AEBP2: variants seen among roughly 807,000 people sequenced by gnomAD.
AEBP2 encodes the protein AE binding protein 2.
In AEBP2, 10 loss-of-function variants were observed where a neutral mutation model predicts 50.8. That is an observed-to-expected ratio of 0.20 (90% CI 0.12 to 0.33). The LOEUF (loss-of-function observed/expected upper bound fraction) is 0.33, where lower values mean the gene tolerates loss of function less well. Ranked by LOEUF, AEBP2 falls within the 10% of genes least tolerant of loss-of-function variation. The pLI is 1.00. For synonymous variants in AEBP2, 296 were observed against 261.3 expected, an observed-to-expected ratio of 1.13 and a Z score of -1.28; for missense variants, 570 against 688.0, an observed-to-expected ratio of 0.83 and a Z score of 1.92.
chr12:19,461,921 G>C (rs1339903305), intron 1 of AEBP2, among the ~76,000 whole-genome samples: 1 of 152,054 alleles, frequency 6.6e-6, no homozygotes, highest in Non-Finnish European at 1.5e-5. Flanking sequence ...GCTAGGAAAA[G>C]ATTTTTTATT....
chr12:19,455,604 A>T (rs1948255400), intron 1 of AEBP2, among the ~76,000 whole-genome samples: 1 of 152,164 alleles, frequency 6.6e-6, no homozygotes, highest in Non-Finnish European at 1.5e-5. Context: ...GAAGTAATTT[A>T]AGACTCAAAG....
rs1266212976 is a variant in AEBP2 at position 19,521,485 on chromosome 12, A to C, written c.*3368A>C. On this transcript the variant is annotated 3_prime_UTR_variant, in exon 8 of 8. Coordinates refer to ENST00000266508, the MANE Select transcript of AEBP2 (RefSeq NM_153207.5). ...CCGTAAGGCACATCTGCTTTATCTA[A>C]AAGAATCTTAAGGTGGAAATAGTGT... 1.3e-5 allele frequency: 2 copies of C among 152,144 alleles called. No individual in the cohort carries two copies. Among genetic ancestry groups the C allele is most frequent in the Non-Finnish European group, 2.9e-5 (2 of 68,006 alleles). The allele number at this position is 152,144 out of a possible 1,614,324, so 9.4% of individuals were successfully genotyped here.
intron 6 of AEBP2, among the ~76,000 whole-genome samples, chr12:19,513,002 G>GT (rs1462505180): frequency 1.3e-5 from 2 of 151,992 alleles, no homozygotes; most frequent in East Asian, 3.9e-4. Flanking sequence ...CTTGTGTGGT[G>GT]TTTTTTGTTT....
At chr12:19,476,422 A>G (rs1408343933) in intron 3 of AEBP2, among the ~76,000 whole-genome samples, 1 of 151,890 alleles carries the variant, frequency 6.6e-6, no homozygotes, top group Non-Finnish European at 1.5e-5. Context: ...ACTTACTGCA[A>G]CCTCTGCCTC....
intron 7 of AEBP2, among the ~76,000 whole-genome samples, chr12:19,517,130 A>G (rs995058975): frequency 3.3e-5 from 5 of 152,250 alleles, no homozygotes; most frequent in African/African-American, 4.8e-5. Context: ...GCATAGAGTC[A>G]TAGAAGCCCC....
intron 5 of AEBP2, among the ~76,000 whole-genome samples, chr12:19,510,858 G>A (rs1044901105): frequency 8.1e-5 from 4 of 49,392 alleles, no homozygotes; most frequent in Non-Finnish European, 1.5e-4. Context: ...GCTTTTTAAG[G>A]TAGTGACTTT....
rs1297740240 is a variant in AEBP2 at position 19,519,738 on chromosome 12, C to A, written c.*1621C>A. ...GGGAAAGGTTCCACGATACATAAAT[C>A]ATTTCTCATTTGCTTTAAAAAATTT... On this transcript the variant is annotated 3_prime_UTR_variant, in exon 8 of 8. Coordinates refer to ENST00000266508, the MANE Select transcript of AEBP2 (RefSeq NM_153207.5). 1 of 152,452 alleles carries A rather than the reference C, an allele frequency of 6.6e-6. No homozygotes were observed. The highest frequency in any genetic ancestry group is 1.5e-5 in the Non-Finnish European group (1 of 67,922). 9.4% of individuals were successfully genotyped at this position (152,452 alleles called of 1,614,324 possible). A position where few individuals can be genotyped will look rare whatever the true frequency, so the allele number is the denominator to read the frequency against.
At chr12:19,503,178 G>A (rs1949107748) in intron 5 of AEBP2, among the ~76,000 whole-genome samples, 1 of 152,078 alleles carries the variant, frequency 6.6e-6, no homozygotes, top group African/African-American at 2.4e-5. Flanking sequence ...ATTCCTTTGG[G>A]CGTTGTCACC....
intron 1 of AEBP2, among the ~76,000 whole-genome samples, chr12:19,428,529 AGGCTG>A (rs2095749763): frequency 6.6e-6 from 1 of 152,220 alleles, no homozygotes; most frequent in Non-Finnish European, 1.5e-5. Context: ...CAGAAACAAA[AGGCTG>A]GGTGCGGTGG....
chr12:19,442,172 G>C (rs1039836979), intron 1 of AEBP2, among the ~76,000 whole-genome samples: 3 of 152,162 alleles, frequency 2.0e-5, no homozygotes, highest in Admixed American at 6.5e-5. Flanking sequence ...ACTTTGGGAG[G>C]CCGAGGTGGG....
intron 1 of AEBP2, among the ~76,000 whole-genome samples, chr12:19,421,123 T>A (rs2095745438): frequency 6.6e-6 from 1 of 151,928 alleles, no homozygotes; most frequent in Non-Finnish European, 1.5e-5. Context: ...GGTGGAAGGA[T>A]CATCTGAGGT....
intron 1 of AEBP2, among the ~76,000 whole-genome samples, chr12:19,450,853 A>G (rs889222428): frequency 5.1e-4 from 75 of 148,258 alleles, no homozygotes; most frequent in Non-Finnish European, 9.5e-4. Flanking sequence ...AAAAAAAAAA[A>G]GGGTCATTTT....
At chr12:19,514,058 G>A (rs1459972062) in intron 6 of AEBP2, among the ~76,000 whole-genome samples, 3 of 151,038 alleles carry the variant, frequency 2.0e-5, no homozygotes, top group African/African-American at 7.3e-5. Flanking sequence ...GCAGTGCAGT[G>A]GTGCACTCTT....
chr12:19,466,339 T>A (rs1948473712), intron 2 of AEBP2, among the ~76,000 whole-genome samples: 1 of 152,064 alleles, frequency 6.6e-6, no homozygotes, highest in South Asian at 2.1e-4. Context: ...GCCTGTGGTC[T>A]TAGCCACTCC....
At chr12:19,502,257 C>T (rs553958539) in intron 5 of AEBP2, among the ~76,000 whole-genome samples, 1 of 152,108 alleles carries the variant, frequency 6.6e-6, no homozygotes, top group East Asian at 1.9e-4. Context: ...CCCTCAGCCT[C>T]CCGAGTAGCC....
intron 3 of AEBP2, among the ~76,000 whole-genome samples, chr12:19,484,725 CT>C (rs1428147164): frequency 6.6e-6 from 1 of 151,832 alleles, no homozygotes; most frequent in Non-Finnish European, 1.5e-5. Flanking sequence ...GGTTGAACAT[CT>C]TTTCATATGT....
chr12:19,439,148 T>C (rs1162772940), upstream of AEBP2, among the ~76,000 whole-genome samples: 2 of 152,190 alleles, frequency 1.3e-5, no homozygotes, highest in Non-Finnish European at 2.9e-5. Flanking sequence ...TTTTGCCCAT[T>C]TTAAACCGCT....
Position 19,510,865 on chromosome 12 carries a change from C to CTTTTTTTTTTTTTTT in AEBP2, c.1300-1530_1300-1516dup, listed in dbSNP as rs58870259. Among the ~76,000 whole-genome samples the CTTTTTTTTTTTTTTT allele has an allele frequency of 1.9e-4, 17 of 89,026 alleles. 2 individuals carry two copies. The highest frequency in any genetic ancestry group is 4.4e-4 in the African/African-American group (9 of 20,442). The allele number at this position is 89,026 out of a possible 152,430, so 58.4% of individuals were successfully genotyped here. On this transcript the variant is annotated intron_variant, in intron 5 of 7. Transcript: ENST00000266508. ...AGTACATCGCTTTTTAAGGTAGTGACTTTTTTTTTTTTTTTTTGAGGTGGG... is the reference window on the plus strand; with the variant it reads ...AGTACATCGCTTTTTAAGGTAGTGACTTTTTTTTTTTTTTTTTTTTTTTTTTTTTTTTGAGGTGGG...
At chr12:19,504,353 G>T (rs1050634882) in intron 5 of AEBP2, among the ~76,000 whole-genome samples, 1 of 149,626 alleles carries the variant, frequency 6.7e-6, no homozygotes, top group Non-Finnish European at 1.5e-5. Context: ...TCCTGCCTCA[G>T]CCTCCCGAGT....
Sources: gnomAD v4.1 joint callset for allele counts (sites outside exome capture counted in the v4.1 genomes callset) on GRCh38, gnomAD v4.1.1 for gene constraint, MANE v1.5 for transcripts, NCBI Gene and HGNC (gene_info 2026-07-23, HGNC 2026-07-21) for gene names.